Variants in EIF4A3 observed in about 807,000 individuals in gnomAD.
EIF4A3 encodes eukaryotic translation initiation factor 4A3, also known as eukaryotic initiation factor 4A-III.
A neutral mutation model predicts 55.6 loss-of-function variants in EIF4A3; 1 was observed. That is an observed-to-expected ratio of 0.02 (90% CI 0.01 to 0.09). The LOEUF is 0.09. Ranked by LOEUF, EIF4A3 falls within the 10% of genes least tolerant of loss-of-function variation. The pLI, the probability that EIF4A3 is intolerant of heterozygous loss-of-function variation, is 1.00. For synonymous variants in EIF4A3, 194 were observed against 196.3 expected (o/e 0.99, Z 0.10); for missense variants, 221 against 540.7 (o/e 0.41, Z 5.86).
Position 80,137,379 on chromosome 17 carries a change from G to T in EIF4A3, c.983+7C>A, listed in dbSNP as rs61751628. On this transcript the variant is annotated splice_region_variant and intron_variant, in intron 9 of 11. Coordinates refer to ENST00000649764, the MANE Select transcript of EIF4A3 (RefSeq NM_014740.4). ...TGACCTGCAGAGCCACAGCATAGCA[G>T]ACCCACCTGGCGCCCGACCGGAACT... 2 of 1,612,072 alleles carry T rather than the reference G, an allele frequency of 1.2e-6. No homozygotes were observed. The highest frequency in any genetic ancestry group is 4.5e-5 in the East Asian group (2 of 44,844).
At chr17:80,145,980 A>G (rs760910327) in intron 1 of EIF4A3, among the ~76,000 whole-genome samples, 25 of 152,012 alleles carry the variant, frequency 1.6e-4, no homozygotes, top group African/African-American at 4.8e-5. Flanking sequence ...CTCACCTCAA[A>G]TCTACAGACA....
chr17:80,136,478 A>C, intron 9 of EIF4A3, 143 bp from the exon 10 acceptor site: 1 of 662,666 alleles, frequency 1.5e-6, no homozygotes, highest in East Asian at 2.7e-5. Flanking sequence ...CTGTCTGCAA[A>C]CGTGAAGCCT....
rs2039673738 is a variant in EIF4A3 at position 80,147,047 on chromosome 17, C to CTGCCGCTGCCGACCTCCCTG, written c.-87_-86insCAGGGAGGTCGGCAGCGGCA. The CTGCCGCTGCCGACCTCCCTG allele has an allele frequency of 2.6e-6, 3 of 1,157,122 alleles. No individual in the cohort carries two copies. Among genetic ancestry groups the CTGCCGCTGCCGACCTCCCTG allele is most frequent in the African/African-American group, 3.4e-5 (1 of 29,184 alleles). 71.7% of individuals were successfully genotyped at this position (1,157,122 alleles called of 1,614,324 possible). On this transcript the variant is annotated 5_prime_UTR_variant, in exon 1 of 12. Transcript: ENST00000649764. ...CCTCGCTGTGCCGCTGCCGACCTCG[C>CTGCCGCTGCCGACCTCCCTG]TGCCGCTGCCGACCTCGCTGTGCCG...
Position 80,147,004 on chromosome 17 carries a change from C to T in EIF4A3, c.-43G>A. 1 of 1,460,976 alleles carries T rather than the reference C, an allele frequency of 6.8e-7. No homozygotes were observed. The highest frequency in any genetic ancestry group is 2.7e-5 in the East Asian group (1 of 37,116). 90.5% of individuals were successfully genotyped at this position (1,460,976 alleles called of 1,614,324 possible). ...AGAGCACAGCGCGCGCCGCTGCCGA[C>T]CTCGCTGCCGCTGCCGACCTCGCTG... On this transcript the variant is annotated 5_prime_UTR_variant, in exon 1 of 12. Transcript: ENST00000649764.
At position 80,139,393 on chromosome 17, in the gene EIF4A3, T is replaced by C; in HGVS notation, c.587-231A>G. 3 of 646,144 alleles carry C rather than the reference T, an allele frequency of 4.6e-6. No homozygotes were observed. In the South Asian group the frequency reaches 6.3e-5, roughly 14 times the overall value. 40.0% of individuals were successfully genotyped at this position (646,144 alleles called of 1,614,324 possible). A position where few individuals can be genotyped will look rare whatever the true frequency, so the allele number is the denominator to read the frequency against. The stretch of plus-strand genomic sequence containing the variant: ...GAATCTGGTTTCCCTTTGGTGCTTC[T>C]TCAATCTGAAGTGATCTAGGGATCA... On this transcript the variant is annotated intron_variant, in intron 6 of 11. Coordinates refer to ENST00000649764, the MANE Select transcript of EIF4A3 (RefSeq NM_014740.4).
intron 4 of EIF4A3, 50 bp downstream of exon 4, chr17:80,141,269 C>A: frequency 6.5e-7 from 1 of 1,542,578 alleles, no homozygotes. Context: ...ACAACTAAAT[C>A]ACAAAAGCAG....
At chr17:80,140,202 A>T in intron 4 of EIF4A3, 62 bp from the exon 5 acceptor site, 4 of 1,449,192 alleles carry the variant, frequency 2.8e-6, no homozygotes, top group Non-Finnish European at 2.7e-6. Flanking sequence ...TTTTCCAAAA[A>T]GAAAGACTGT....
In EIF4A3 at chr17:80,139,009, A is replaced by G. The variant is rs778792702; in HGVS notation, c.728+12T>C. On this transcript the variant is annotated intron_variant, in intron 7 of 11. Coordinates refer to ENST00000649764, the MANE Select transcript of EIF4A3 (RefSeq NM_014740.4). ...CCAGTGTTTTAGTAAACTTGACAAG[A>G]GGGGCTCCTACCGTTTCACCAAGAT... The G allele has an allele frequency of 6.2e-7, 1 of 1,613,210 alleles. No homozygotes were observed. The highest frequency in any genetic ancestry group is 8.5e-7 in the Non-Finnish European group (1 of 1,179,588).
At chr17:80,137,722 C>A in intron 8 of EIF4A3, 2 of 523,852 alleles carry the variant, frequency 3.8e-6, no homozygotes, top group Non-Finnish European at 6.8e-6. Flanking sequence ...TATAATGACT[C>A]TATGGGGGGA....
At chr17:80,138,517 A>C (rs1182514648) in intron 7 of EIF4A3, 5 of 472,992 alleles carry the variant, frequency 1.1e-5, no homozygotes, top group African/African-American at 4.7e-5. Flanking sequence ...ATTCTAAACG[A>C]AACACTGATA....
intron 6 of EIF4A3, 30 bp downstream of exon 6, chr17:80,139,640 G>A (rs776766471): frequency 6.3e-7 from 1 of 1,576,508 alleles, no homozygotes; most frequent in Non-Finnish European, 8.7e-7. Flanking sequence ...AATTATGTCA[G>A]TAGAAGAGTA....
At chr17:80,138,925 C>CA in intron 7 of EIF4A3, 96 bp downstream of exon 7, 1 of 1,523,186 alleles carries the variant, frequency 6.6e-7, no homozygotes, top group Non-Finnish European at 8.9e-7. Flanking sequence ...GCAACACAGC[C>CA]AGACTCTGGC....
At chr17:80,137,552 G>T in intron 8 of EIF4A3, 51 bp from the exon 9 acceptor site, 1 of 1,459,798 alleles carries the variant, frequency 6.9e-7, no homozygotes, top group Non-Finnish European at 9.5e-7. Context: ...CCAAAGCAGA[G>T]ATGTGCATTC....
At position 80,139,012 on chromosome 17, in the gene EIF4A3, G is replaced by A. The variant is rs1303083765; in HGVS notation, c.728+9C>T. On this transcript the variant is annotated intron_variant, in intron 7 of 11. Coordinates refer to ENST00000649764, the MANE Select transcript of EIF4A3 (RefSeq NM_014740.4). ...GTGTTTTAGTAAACTTGACAAGAGG[G>A]GCTCCTACCGTTTCACCAAGATGCG... 3 of 1,612,718 alleles carry A rather than the reference G, an allele frequency of 1.9e-6. No homozygotes were observed. Among genetic ancestry groups the A allele is most frequent in the African/African-American group, 1.3e-5 (1 of 74,740 alleles).
At position 80,135,312 on chromosome 17, in the gene EIF4A3, C is replaced by T. The variant is rs2039561567; in HGVS notation, c.*178G>A. On this transcript the variant is annotated 3_prime_UTR_variant, in exon 12 of 12. Coordinates refer to ENST00000649764, the MANE Select transcript of EIF4A3 (RefSeq NM_014740.4). ...AAGACTTAGAACAATGTATTATTTA[C>T]ATGTAAATAAGAAAAGAGAGCAGAA... 1.7e-6 allele frequency: 1 copy of T among 605,462 alleles called. No individual in the cohort carries two copies. The highest frequency in any genetic ancestry group is 2.7e-6 in the Non-Finnish European group (1 of 365,502). 37.5% of individuals were successfully genotyped at this position (605,462 alleles called of 1,614,324 possible). A position where few individuals can be genotyped will look rare whatever the true frequency, so the allele number is the denominator to read the frequency against.
chr17:80,146,481 G>A (rs2039663840), intron 1 of EIF4A3, among the ~76,000 whole-genome samples: 1 of 152,220 alleles, frequency 6.6e-6, no homozygotes, highest in African/African-American at 2.4e-5. Flanking sequence ...CCAGTACCTA[G>A]AAAAGCTAAT....
intron 7 of EIF4A3, 50 bp from the exon 8 acceptor site, chr17:80,138,330 C>T (rs1168527324): frequency 6.2e-7 from 1 of 1,603,620 alleles, no homozygotes; most frequent in Non-Finnish European, 8.5e-7. Context: ...CCTTCTAGGA[C>T]TTGAGGGTGG....
intron 9 of EIF4A3, chr17:80,136,607 T>C: frequency 2.1e-6 from 1 of 480,280 alleles, no homozygotes; most frequent in Non-Finnish European, 3.7e-6. Flanking sequence ...TTTAACTTGT[T>C]TAATCGGTCC....
chr17:80,135,942 G>GC (rs2039566864), intron 11 of EIF4A3, 62 bp downstream of exon 11: 2 of 1,562,274 alleles, frequency 1.3e-6, no homozygotes, highest in Non-Finnish European at 1.7e-6. Flanking sequence ...AAACTCAGGT[G>GC]CCCCAAACTA....
Sources: gnomAD v4.1 joint callset for allele counts (sites outside exome capture counted in the v4.1 genomes callset) on GRCh38, gnomAD v4.1.1 for gene constraint, MANE v1.5 for transcripts, NCBI Gene and HGNC (gene_info 2026-07-23, HGNC 2026-07-21) for gene names.